The following FOXK2 variants were observed in gnomAD, a reference collection of about 807,000 sequenced individuals.
The protein encoded by FOXK2 is forkhead box protein K2.
FOXK2 carries 24 observed loss-of-function variants against 53.3 expected under a neutral mutation model. The ratio of observed to expected loss-of-function variants is 0.45; its 90% CI spans 0.33 to 0.63. FOXK2 has a LOEUF of 0.63. Ranked by LOEUF, FOXK2 falls within the 30% of genes least tolerant of loss-of-function variation. FOXK2 has a pLI of 0.03. For missense variants in FOXK2, 952 were observed against 910.5 expected (o/e 1.05, Z -0.59); for synonymous variants, 505 against 407.1 (o/e 1.24, Z -2.89).
At chr17:82,592,470 A>G (rs1163571481) in intron 8 of FOXK2, among the ~76,000 whole-genome samples, 1 of 152,184 alleles carries the variant, frequency 6.6e-6, no homozygotes, top group Non-Finnish European at 1.5e-5. Context: ...GAGGAACCTC[A>G]TGAGGCCCTT....
chr17:82,590,322 C>T (rs1252683508), intron 8 of FOXK2, among the ~76,000 whole-genome samples: 1 of 152,090 alleles, frequency 6.6e-6, no homozygotes, highest in Non-Finnish European at 1.5e-5. Flanking sequence ...CTCTTGTAGT[C>T]TTTTATTTTT....
intron 1 of FOXK2, among the ~76,000 whole-genome samples, chr17:82,529,739 A>G (rs994651549): frequency 1.3e-5 from 2 of 152,152 alleles, no homozygotes; most frequent in Non-Finnish European, 2.9e-5. Context: ...TTGCGGAGTC[A>G]CTAGATAACT....
Position 82,571,588 on chromosome 17 carries a change from G to C in FOXK2, c.763-136G>C. On this transcript the variant is annotated intron_variant, in intron 3 of 8. Coordinates refer to ENST00000335255, the MANE Select transcript of FOXK2 (RefSeq NM_004514.4). ...TGTACTCCAGCCTGGGCGACACAGC[G>C]AGACTCTGTCTCAAAAAAAAGACAA... is the stretch of plus-strand genomic sequence containing the variant. 3.2e-6 allele frequency: 3 copies of C among 923,936 alleles called. No homozygotes were observed. In the South Asian group the frequency reaches 6.7e-5, roughly 21 times the overall value. 57.2% of individuals were successfully genotyped at this position (923,936 alleles called of 1,614,324 possible). A position where few individuals can be genotyped will look rare whatever the true frequency, so the allele number is the denominator to read the frequency against.
intron 8 of FOXK2, among the ~76,000 whole-genome samples, chr17:82,598,301 T>C (rs1441466053): frequency 6.6e-6 from 1 of 151,942 alleles, no homozygotes; most frequent in Non-Finnish European, 1.5e-5. Context: ...TGCTATGTTG[T>C]CCAGGCTGGT....
At chr17:82,579,069 C>T (rs979655929) in intron 4 of FOXK2, among the ~76,000 whole-genome samples, 4 of 150,436 alleles carry the variant, frequency 2.7e-5, no homozygotes, top group South Asian at 2.1e-4. Flanking sequence ...TCTGAGTCCC[C>T]GCTTAGGAGG....
chr17:82,556,203 T>C (rs1367401122), intron 1 of FOXK2, among the ~76,000 whole-genome samples: 1 of 151,940 alleles, frequency 6.6e-6, no homozygotes, highest in African/African-American at 2.4e-5. Context: ...CCCAGCACTT[T>C]GGGAGGCCGA....
At chr17:82,588,458 TTGGAGGGCTGGC>T (rs1344772807) in intron 8 of FOXK2, 4 of 164,862 alleles carry the variant, frequency 2.4e-5, no homozygotes, top group African/African-American at 9.7e-5. Flanking sequence ...GGGCTGGCGG[TTGGAGGGCTGGC>T]GGTTGGAGGG....
In FOXK2 at chr17:82,586,499, CCGGGGGGGAAAGGAGGAG is replaced by C; in HGVS notation, c.1576+300_1576+317del. ...AGACCACAGGGAGGTCAAAGGTGGG[CCGGGGGGGAAAGGAGGAG>C]AGGGGAGACCACAGGGAGGTCAAAG... On this transcript the variant is annotated intron_variant, in intron 7 of 8. Coordinates refer to ENST00000335255, the MANE Select transcript of FOXK2 (RefSeq NM_004514.4). 2.2e-4 allele frequency among the ~76,000 whole-genome samples: 3 copies of C among 13,830 alleles called. 1 individual carries two copies. Among genetic ancestry groups the C allele is most frequent in the East Asian group, 1.7e-3 (1 of 606 alleles). 9.1% of individuals were successfully genotyped at this position (13,830 alleles called of 152,430 possible).
intron 8 of FOXK2, among the ~76,000 whole-genome samples, chr17:82,594,495 C>CA (rs67410458): frequency 0.27 from 31,748 of 116,380 alleles, 4,223 homozygotes; most frequent in Middle Eastern, 0.34. Context: ...GAGACTGTCT[C>CA]AAAAAAAAAA....
chr17:82,580,248 T>C (rs1004699594), intron 4 of FOXK2, among the ~76,000 whole-genome samples: 13 of 56,640 alleles, frequency 2.3e-4, no homozygotes, highest in African/African-American at 3.7e-4. Flanking sequence ...ATGAAGTAGC[T>C]CCCATCCACA....
intron 1 of FOXK2, among the ~76,000 whole-genome samples, chr17:82,543,691 A>G (rs1447147547): frequency 6.6e-6 from 1 of 151,258 alleles, no homozygotes; most frequent in Non-Finnish European, 1.5e-5. Flanking sequence ...ATCATGGCTC[A>G]CTGCAGCCTT....
Position 82,520,171 on chromosome 17 carries a change from G to T in FOXK2, c.283G>T (p.Ala95Ser), listed in dbSNP as rs751068353. Residue 95 changes from alanine (A) to serine (S), a missense_variant, in exon 1 of 9, where the codon GCT (alanine) becomes TCT (serine). Physicochemically the swap from Ala to Ser is moderately conservative, Grantham distance 99. This residue lies in a region of FOXK2 where 163 missense variants were observed against 165.5 expected (regional missense o/e 0.98). Transcript: ENST00000335255. The stretch of plus-strand genomic sequence containing the variant: ...GGGCGGCGGCGGCCATGGCGGGGCC[G>T]CTCCGGAGCTGCCGCCCGCGCAGCC... Reference protein sequence around the residue: ...PPGGGGHGGAAPELPPAQPRP... With the variant: ...PPGGGGHGGASPELPPAQPRP... 1.4e-6 allele frequency: 2 copies of T among 1,478,466 alleles called. No homozygotes were observed. The highest frequency in any genetic ancestry group is 1.3e-5 in the South Asian group (1 of 75,674). The allele number at this position is 1,478,466 out of a possible 1,614,324, so 91.6% of individuals were successfully genotyped here. A position where few individuals can be genotyped will look rare whatever the true frequency, so the allele number is the denominator to read the frequency against.
chr17:82,571,949 A>G, intron 4 of FOXK2, 79 bp downstream of exon 4: 1 of 1,407,362 alleles, frequency 7.1e-7, no homozygotes, highest in Admixed American at 2.7e-5. Flanking sequence ...TCTGGAACAC[A>G]GGCACAGGAT....
chr17:82,571,175 C>G (rs922594816), intron 3 of FOXK2, among the ~76,000 whole-genome samples: 1 of 152,222 alleles, frequency 6.6e-6, no homozygotes, highest in Non-Finnish European at 1.5e-5. Flanking sequence ...TTGGACTCCA[C>G]TGAGGTCAAG....
At chr17:82,585,433 G>A (rs1285732429) in intron 6 of FOXK2, among the ~76,000 whole-genome samples, 3 of 151,704 alleles carry the variant, frequency 2.0e-5, no homozygotes, top group East Asian at 3.9e-4. Context: ...CAAGCAATCC[G>A]CCCTCCTCAG....
intron 1 of FOXK2, among the ~76,000 whole-genome samples, chr17:82,537,163 T>C (rs7502945): frequency 0.44 from 67,268 of 151,966 alleles, 15,073 homozygotes; most frequent in South Asian, 0.55. Flanking sequence ...GTGAGTGGGA[T>C]GCTGGGCTGG....
chr17:82,521,170 TTTTTTTG>T (rs759755133), intron 1 of FOXK2, among the ~76,000 whole-genome samples: 26 of 136,844 alleles, frequency 1.9e-4, no homozygotes, highest in East Asian at 5.1e-4. Context: ...CAAACTGGAA[TTTTTTTG>T]TTTTTTGTTT....
chr17:82,552,708 C>T (rs2044688205), intron 1 of FOXK2, among the ~76,000 whole-genome samples: 1 of 152,098 alleles, frequency 6.6e-6, no homozygotes, highest in African/African-American at 2.4e-5. Flanking sequence ...GCACCATGGC[C>T]GTGTTACCCT....
At chr17:82,596,027 T>C in intron 8 of FOXK2, 1 of 1,139,098 alleles carries the variant, frequency 8.8e-7, no homozygotes, top group Non-Finnish European at 1.1e-6. Context: ...ACACTGCGCG[T>C]CTGTGCATCT....
Sources: gnomAD v4.1 joint callset for allele counts (sites outside exome capture counted in the v4.1 genomes callset) on GRCh38, gnomAD v4.1.1 for gene constraint, gnomAD v4.1.1 regional missense constraint, MANE v1.5 for transcripts, NCBI Gene and HGNC (gene_info 2026-07-23, HGNC 2026-07-21) for gene names.